The following DPP10 variants were observed in gnomAD, a reference collection of about 807,000 sequenced individuals.
DPP10 encodes the protein inactive dipeptidyl peptidase 10.
DPP10 carries 33 observed loss-of-function variants against 120.9 expected under a neutral mutation model. The observed-to-expected ratio is 0.27, with a 90% CI of 0.21 to 0.37. The LOEUF (loss-of-function observed/expected upper bound fraction) is 0.37. Ranked by LOEUF, DPP10 falls within the 10% of genes least tolerant of loss-of-function variation. The probability of loss-of-function intolerance (pLI) is 1.00; values close to 1 mark genes in which losing one functional copy is unlikely to be tolerated. For synonymous variants in DPP10, 337 were observed against 326.1 expected, an observed-to-expected ratio of 1.03 and a Z score of -0.36; for missense variants, 816 against 942.8, an observed-to-expected ratio of 0.87 and a Z score of 1.76.
At chr2:114,581,828 A>G in intron 1 of DPP10, among the ~76,000 whole-genome samples, 1 of 152,250 alleles carries the variant, frequency 6.6e-6, no homozygotes, top group East Asian at 1.9e-4. Flanking sequence ...TTAGGTTTAC[A>G]GAAAAACTGA....
chr2:114,534,468 G>T (rs553401564), intron 1 of DPP10, among the ~76,000 whole-genome samples: 3 of 152,092 alleles, frequency 2.0e-5, no homozygotes, highest in Admixed American at 6.5e-5. Context: ...TTTCAGATTC[G>T]CAAGAGGAGA....
At chr2:115,259,416 G>A (rs1397964055) in intron 1 of DPP10, among the ~76,000 whole-genome samples, 13 of 151,416 alleles carry the variant, frequency 8.6e-5, no homozygotes, top group Admixed American at 6.6e-4. Flanking sequence ...CCCGGGAGGC[G>A]GAGGTTGCAG....
chr2:114,458,728 CA>C lies in DPP10; in HGVS notation c.60+15893del, dbSNP rs560778501. 4.9e-4 allele frequency among the ~76,000 whole-genome samples: 74 copies of C among 152,158 alleles called. 1 individual carries two copies. The highest frequency in any genetic ancestry group is 1.6e-3 in the African/African-American group (67 of 41,524). On this transcript the variant is annotated intron_variant, in intron 1 of 25. Transcript: ENST00000410059. ...TAGCAATTAAATGACATGATACATG[CA>C]AAGTATTTTTAAAAATAATAAATAA... is the stretch of plus-strand genomic sequence containing the variant.
chr2:114,746,071 C>G (rs562158341), intron 1 of DPP10, among the ~76,000 whole-genome samples: 3 of 152,342 alleles, frequency 2.0e-5, no homozygotes, highest in Non-Finnish European at 4.4e-5. Flanking sequence ...TCCCACTGCA[C>G]TTTCATTTTG....
intron 1 of DPP10, among the ~76,000 whole-genome samples, chr2:114,585,033 T>G (rs1384389389): frequency 2.0e-5 from 3 of 152,222 alleles, no homozygotes; most frequent in Admixed American, 2.0e-4. Flanking sequence ...CATAACAAAT[T>G]ACCACACACT....
rs114262596 is a variant in DPP10, at chr2:114,636,416, C to T, written c.60+193578C>T. Among the ~76,000 whole-genome samples, 187 of 152,082 alleles carry T rather than the reference C, an allele frequency of 1.2e-3. 2 individuals carry two copies. Among genetic ancestry groups the T allele is most frequent in the Middle Eastern group, 6.8e-3 (2 of 294 alleles). On this transcript the variant is annotated intron_variant, in intron 1 of 25. Transcript: ENST00000410059. ...AAATACCTTGATTGCTGGAAGAGTT[C>T]AGTGCCAAATATTCGGTGCCAAAGA...
At chr2:115,767,443 A>G (rs1680896849) in intron 12 of DPP10, among the ~76,000 whole-genome samples, 1 of 150,968 alleles carries the variant, frequency 6.6e-6, no homozygotes, top group Non-Finnish European at 1.5e-5. Context: ...CTGAAGAAAG[A>G]GCAGTATCTC....
intron 17 of DPP10, among the ~76,000 whole-genome samples, chr2:115,784,054 A>G (rs1020930686): frequency 6.6e-6 from 1 of 152,208 alleles, no homozygotes; most frequent in Admixed American, 6.5e-5. Flanking sequence ...GTCTTTTCTA[A>G]TAACTTCTGC....
intron 3 of DPP10, among the ~76,000 whole-genome samples, chr2:115,442,440 GT>G (rs1177317121): frequency 6.6e-6 from 1 of 151,898 alleles, no homozygotes; most frequent in East Asian, 1.9e-4. Context: ...TTGTTTCTGA[GT>G]TAGCGTAATT....
At chr2:114,483,821 ACTT>A (rs1009857762) in intron 1 of DPP10, among the ~76,000 whole-genome samples, 2 of 152,102 alleles carry the variant, frequency 1.3e-5, no homozygotes, top group African/African-American at 4.8e-5. Context: ...CTTGATTTCT[ACTT>A]CTTCTGAAAA....
At chr2:115,828,430 AT>A (rs1352941337) in intron 21 of DPP10, among the ~76,000 whole-genome samples, 1 of 151,976 alleles carries the variant, frequency 6.6e-6, no homozygotes, top group African/African-American at 2.4e-5. Flanking sequence ...AAATTTGGAA[AT>A]TTTTTATTAT....
chr2:115,533,386 G>A (rs1008983511), intron 5 of DPP10, among the ~76,000 whole-genome samples: 2 of 152,044 alleles, frequency 1.3e-5, no homozygotes, highest in Non-Finnish European at 1.5e-5. Flanking sequence ...CAAAAGATCA[G>A]CATTGTTATT....
At chr2:115,185,586 A>G (rs531597426) in intron 1 of DPP10, among the ~76,000 whole-genome samples, 18 of 152,298 alleles carry the variant, frequency 1.2e-4, no homozygotes, top group Middle Eastern at 3.4e-3. Flanking sequence ...TTTTATGTCA[A>G]TCTATGTTAA....
At chr2:114,660,067 AC>A (rs1697278519) in intron 1 of DPP10, among the ~76,000 whole-genome samples, 1 of 152,206 alleles carries the variant, frequency 6.6e-6, no homozygotes, top group Non-Finnish European at 1.5e-5. Flanking sequence ...TGTCTGTGCT[AC>A]TTTGTTACAG....
rs367903861 is a variant in DPP10 at position 115,008,563 on chromosome 2, G to C, written c.61-300676G>C. Among the ~76,000 whole-genome samples the C allele has an allele frequency of 4.3e-3, 405 of 94,434 alleles. 5 individuals carry two copies. Among genetic ancestry groups the C allele is most frequent in the African/African-American group, 0.011 (341 of 31,184 alleles). 62.0% of individuals were successfully genotyped at this position (94,434 alleles called of 152,430 possible). ...ACACCAAAAGCAATGGCAACAAAAG[G>C]CAAAATTGACAAATGGGATCTAATT... is the stretch of plus-strand genomic sequence containing the variant. On this transcript the variant is annotated intron_variant, in intron 1 of 25. Transcript: ENST00000410059.
intron 2 of DPP10, among the ~76,000 whole-genome samples, chr2:115,320,257 G>A (rs2061995680): frequency 6.6e-6 from 1 of 152,038 alleles, no homozygotes; most frequent in African/African-American, 2.4e-5. Flanking sequence ...TCAATGCATT[G>A]CATCTTTAGA....
At chr2:114,774,088 A>G (rs1681509827) in intron 1 of DPP10, among the ~76,000 whole-genome samples, 2 of 152,132 alleles carry the variant, frequency 1.3e-5, no homozygotes, top group African/African-American at 4.8e-5. Context: ...CCTGATGGCT[A>G]AGAACGATCA....
At chr2:114,677,066 A>G (rs1368136944) in intron 1 of DPP10, among the ~76,000 whole-genome samples, 1 of 152,094 alleles carries the variant, frequency 6.6e-6, no homozygotes, top group African/African-American at 2.4e-5. Context: ...CCCAGAGTCA[A>G]TAATCTTAGC....
At chr2:114,656,231 G>A (rs1382221372) in intron 1 of DPP10, among the ~76,000 whole-genome samples, 1 of 152,092 alleles carries the variant, frequency 6.6e-6, no homozygotes, top group Non-Finnish European at 1.5e-5. Context: ...TCGGTTTGGG[G>A]TCTTAGGAAT....
Sources: gnomAD v4.1 joint callset for allele counts (sites outside exome capture counted in the v4.1 genomes callset) on GRCh38, gnomAD v4.1.1 for gene constraint, MANE v1.5 for transcripts, NCBI Gene and HGNC (gene_info 2026-07-23, HGNC 2026-07-21) for gene names.